CLASP2: variants seen among roughly 807,000 people sequenced by gnomAD.
CLASP2 encodes the protein cytoplasmic linker associated protein 2.
CLASP2 carries 47 observed loss-of-function variants against 194.4 expected under a neutral mutation model. The observed-to-expected ratio is 0.24, with a 90% CI of 0.19 to 0.31. The LOEUF is 0.31. CLASP2 is among the 10% of genes least tolerant of loss of function. The pLI, the probability that CLASP2 is intolerant of heterozygous loss-of-function variation, is 1.00. For missense variants in CLASP2, 1,445 were observed against 1,823.6 expected (o/e 0.79, Z 3.78); for synonymous variants, 619 against 633.5 (o/e 0.98, Z 0.34).
chr3:33,518,755 A>C (rs185048581), intron 34 of CLASP2, among the ~76,000 whole-genome samples: 274 of 152,352 alleles, frequency 1.8e-3, no homozygotes, highest in Non-Finnish European at 3.1e-3. Context: ...CTTTGTAATT[A>C]CTCTAGCAGA....
At chr3:33,535,784 G>A (rs1157335794) in intron 33 of CLASP2, among the ~76,000 whole-genome samples, 1 of 152,092 alleles carries the variant, frequency 6.6e-6, no homozygotes, top group Admixed American at 6.5e-5. Flanking sequence ...CTCCATGTCA[G>A]TTAAAGATAC....
At chr3:33,550,954 G>A (rs1559982824) in intron 30 of CLASP2, among the ~76,000 whole-genome samples, 1 of 152,178 alleles carries the variant, frequency 6.6e-6, no homozygotes, top group South Asian at 2.1e-4. Flanking sequence ...AAACAACAGT[G>A]TAAGCTCTCA....
chr3:33,608,923 T>C (rs1305187048), intron 13 of CLASP2, among the ~76,000 whole-genome samples: 1 of 152,006 alleles, frequency 6.6e-6, no homozygotes, highest in Non-Finnish European at 1.5e-5. Context: ...ATTATTGTTA[T>C]GCTAAACAGT....
In CLASP2 at chr3:33,596,704, T is replaced by G. The variant is rs776792931; in HGVS notation, c.1948+7A>C. 7 of 1,564,976 alleles carry G rather than the reference T, an allele frequency of 4.5e-6. No homozygotes were observed. The African/African-American group carries it at 9.5e-5, about 21-fold the overall frequency. On this transcript the variant is annotated splice_region_variant and intron_variant, in intron 19 of 38. Transcript: ENST00000682230. ...TCTTTAGTAGAATTAGGAAAGGAAG[T>G]TCTTACCATCCAGCTTGTCAGAAGT...
At position 33,644,744 on chromosome 3, in the gene CLASP2, G is replaced by T. The variant is rs1381665248; in HGVS notation, c.862+13C>A. ...GGAGCATGCATAACAGATTTGAAAT[G>T]GATTTACATTACCTCCAACCTTAGG... On this transcript the variant is annotated intron_variant, in intron 8 of 38. Coordinates refer to ENST00000682230, the MANE Select transcript of CLASP2 (RefSeq NM_001365631.1). 4.3e-6 allele frequency: 7 copies of T among 1,612,460 alleles called. No homozygotes were observed. The highest frequency in any genetic ancestry group is 5.9e-6 in the Non-Finnish European group (7 of 1,179,354).
chr3:33,695,220 A>ATTTTTTTTTTTT (rs762657276), intron 2 of CLASP2, among the ~76,000 whole-genome samples: 5 of 103,838 alleles, frequency 4.8e-5, no homozygotes, highest in African/African-American at 7.6e-5. Flanking sequence ...AAGCCTGCTA[A>ATTTTTTTTTTTT]TTTTTTTTTT....
chr3:33,533,145 A>C lies in CLASP2; in HGVS notation c.3787+2088T>G, dbSNP rs192997335. 2.6e-4 allele frequency among the ~76,000 whole-genome samples: 40 copies of C among 152,336 alleles called. 1 individual carries two copies. The highest frequency in any genetic ancestry group is 2.4e-3 in the Admixed American group (36 of 15,300). ...GATTTTTAAATAATTAATGCTACTG[A>C]AGCTAAGTCTCAATTTACCAGGCTG... is the stretch of plus-strand genomic sequence containing the variant. On this transcript the variant is annotated intron_variant, in intron 34 of 38. Transcript: ENST00000682230.
chr3:33,612,189 T>G, intron 12 of CLASP2, 118 bp from the exon 13 acceptor site: 2 of 649,848 alleles, frequency 3.1e-6, no homozygotes, highest in Non-Finnish European at 5.3e-6. Context: ...AGACCAGATA[T>G]TAGATTTGAA....
At chr3:33,528,697 G>A (rs1455213179) in intron 34 of CLASP2, among the ~76,000 whole-genome samples, 2 of 151,962 alleles carry the variant, frequency 1.3e-5, no homozygotes, top group Non-Finnish European at 2.9e-5. Flanking sequence ...AGGAGGCAGA[G>A]GTTGCTGTGA....
At chr3:33,597,390 C>A (rs2070715747) in intron 18 of CLASP2, among the ~76,000 whole-genome samples, 1 of 152,150 alleles carries the variant, frequency 6.6e-6, no homozygotes, top group African/African-American at 2.4e-5. Flanking sequence ...TGATATTGTT[C>A]TTAAGAAGTG....
In CLASP2 at chr3:33,684,413, T is replaced by C; in HGVS notation, c.590A>G (p.His197Arg). ...AILAIVEIYR[H>R]VGEKVRMDLY... ...ATCCATCCTCACTTTTTCTCCCACA[T>C]GTCTATAAATCTCCACTATAGCCAA... Residue 197 changes from histidine to arginine, a missense_variant, in exon 6 of 39, where the codon CAT (histidine) becomes CGT (arginine). Coordinates refer to ENST00000682230, the MANE Select transcript of CLASP2 (RefSeq NM_001365631.1). 6.2e-7 allele frequency: 1 copy of C among 1,605,976 alleles called. No homozygotes were observed. The highest frequency in any genetic ancestry group is 8.5e-7 in the Non-Finnish European group (1 of 1,175,678).
chr3:33,588,612 A>T, intron 21 of CLASP2: 1 of 671,010 alleles, frequency 1.5e-6, no homozygotes, highest in Non-Finnish European at 2.7e-6. Flanking sequence ...ATAGACTATG[A>T]CGTTAAGAAT....
chr3:33,601,577 G>C (rs1283163895), intron 18 of CLASP2, among the ~76,000 whole-genome samples: 1 of 152,028 alleles, frequency 6.6e-6, no homozygotes, highest in East Asian at 1.9e-4. Flanking sequence ...AAATTCAAGA[G>C]ATTTTTTTCC....
intron 34 of CLASP2, among the ~76,000 whole-genome samples, chr3:33,529,992 A>AT (rs2055814967): frequency 1.4e-5 from 2 of 147,516 alleles, no homozygotes; most frequent in African/African-American, 5.2e-5. Context: ...CTCAAAAAAA[A>AT]AAAAAAAAAA....
At chr3:33,567,780 A>G (rs935813380) in intron 26 of CLASP2, among the ~76,000 whole-genome samples, 1 of 152,146 alleles carries the variant, frequency 6.6e-6, no homozygotes, top group African/African-American at 2.4e-5. Context: ...TCCACTATCC[A>G]TACCTGTTAT....
intron 19 of CLASP2, among the ~76,000 whole-genome samples, chr3:33,595,991 T>C (rs2070232891): frequency 6.6e-6 from 1 of 152,044 alleles, no homozygotes; most frequent in South Asian, 2.1e-4. Context: ...TGTCTGTTTT[T>C]CCTAGATCTC....
chr3:33,663,654 T>C lies in CLASP2; in HGVS notation c.645-139A>G, dbSNP rs1180463180. ...TTTCTATACAACTCTCTTTCACAAT[T>C]AACGCACTGAAAGAAGACACAAAAC... On this transcript the variant is annotated intron_variant, in intron 6 of 38. Transcript: ENST00000682230. The C allele has an allele frequency of 1.6e-5, 10 of 611,056 alleles. No individual in the cohort carries two copies. In the East Asian group the frequency reaches 2.0e-4, roughly 12 times the overall value. The allele number at this position is 611,056 out of a possible 1,614,324, so 37.9% of individuals were successfully genotyped here. A position where few individuals can be genotyped will look rare whatever the true frequency, so the allele number is the denominator to read the frequency against.
rs760891395 is a variant in CLASP2, at chr3:33,552,116, ATTT to A, written c.3010-724_3010-722del. On this transcript the variant is annotated intron_variant, in intron 29 of 38. Transcript: ENST00000682230. Reference sequence around the variant, plus strand: ...TAAAAATGTTATGTGTGGGTTTATAATTTTTTTTTTTTTTTTTTTTGAGACAGA... The same window carrying A: ...TAAAAATGTTATGTGTGGGTTTATAATTTTTTTTTTTTTTTTTGAGACAGA... Among the ~76,000 whole-genome samples, 201 of 135,242 alleles carry A rather than the reference ATTT, an allele frequency of 1.5e-3. No individual in the cohort carries two copies. The Middle Eastern group carries it at 0.016, about 11-fold the overall frequency. The allele number at this position is 135,242 out of a possible 152,430, so 88.7% of individuals were successfully genotyped here.
intron 7 of CLASP2, among the ~76,000 whole-genome samples, chr3:33,647,800 C>T (rs547261188): frequency 6.1e-4 from 93 of 152,098 alleles, no homozygotes; most frequent in African/African-American, 2.1e-3. Flanking sequence ...TTTGGGAGGC[C>T]GAGGCAGGTG....
Sources: allele counts gnomAD v4.1 joint callset (sites outside exome capture counted in the v4.1 genomes callset), GRCh38; gene constraint gnomAD v4.1.1; transcripts MANE v1.5; gene names NCBI Gene and HGNC (gene_info 2026-07-23, HGNC 2026-07-21).